Variants in TPTE observed in about 807,000 individuals in gnomAD.
TPTE encodes putative tyrosine-protein phosphatase TPTE.
Under a neutral mutation model 84.1 loss-of-function variants are expected in TPTE, and 59 were observed. The observed-to-expected ratio is 0.70, with a 90% CI of 0.57 to 0.87. TPTE has a LOEUF of 0.87. TPTE is among the 40% of genes least tolerant of loss of function. The probability of loss-of-function intolerance (pLI) is 0.00; values close to 1 mark genes in which losing one functional copy is unlikely to be tolerated. For synonymous variants in TPTE, 130 were observed against 223.5 expected (o/e 0.58, Z 3.73); for missense variants, 382 against 659.6 (o/e 0.58, Z 4.61).
chr21:10,590,572 A>C (rs573061765), intron 18 of TPTE, 49 bp downstream of exon 18: 1 of 1,611,802 alleles, frequency 6.2e-7, no homozygotes, highest in Non-Finnish European at 8.5e-7. Flanking sequence ...TGAGTTTGCT[A>C]GTTCTGAAAC....
chr21:10,572,123 G>T (rs1167281212), intron 14 of TPTE, among the ~76,000 whole-genome samples: 2 of 152,300 alleles, frequency 1.3e-5, no homozygotes, highest in Non-Finnish European at 2.9e-5. Flanking sequence ...TCTTCTCTGA[G>T]GTGCATAGTA....
chr21:10,577,541 T>A, intron 15 of TPTE, 21 bp downstream of exon 15: 1 of 1,613,946 alleles, frequency 6.2e-7, no homozygotes. Flanking sequence ...TACTCTATAT[T>A]GTGCTACTGT....
At chr21:10,564,628 C>T (rs2074879082) in intron 10 of TPTE, among the ~76,000 whole-genome samples, 2 of 152,298 alleles carry the variant, frequency 1.3e-5, no homozygotes, top group African/African-American at 4.8e-5. Context: ...CTGAATTCAA[C>T]AATATATGGG....
chr21:10,572,450 C>CAAAAAA (rs58796102), intron 14 of TPTE, among the ~76,000 whole-genome samples: 24 of 131,966 alleles, frequency 1.8e-4, no homozygotes, highest in Non-Finnish European at 2.7e-4. Flanking sequence ...AGACTGTATC[C>CAAAAAA]AAAAAAAAAA....
rs1206718965 is a variant in TPTE at position 10,553,579 on chromosome 21, TC to T, written c.233+867del. 2.4e-4 allele frequency among the ~76,000 whole-genome samples: 36 copies of T among 152,400 alleles called. No individual in the cohort carries two copies. In the South Asian group the frequency reaches 7.1e-3, roughly 30 times the overall value. On this transcript the variant is annotated intron_variant, in intron 8 of 23. Coordinates refer to ENST00000618007, the MANE Select transcript of TPTE (RefSeq NM_199261.4). ...TAAGCAAGGCAAGCATTTCCTTCTT[TC>T]CCCACTCCAAACAAAATAAAGCAGG...
chr21:10,555,628 T>C (rs1186775844), intron 8 of TPTE, among the ~76,000 whole-genome samples: 2 of 152,312 alleles, frequency 1.3e-5, no homozygotes, highest in Non-Finnish European at 2.9e-5. Flanking sequence ...GAGAGTAATA[T>C]GTTTGTATTT....
intron 8 of TPTE, among the ~76,000 whole-genome samples, chr21:10,556,301 T>TCTGAC (rs1369005658): frequency 1.3e-5 from 2 of 152,430 alleles, no homozygotes; most frequent in Non-Finnish European, 2.9e-5. Context: ...TGTTTGGTTT[T>TCTGAC]CTGACCTTGC....
intron 3 of TPTE, among the ~76,000 whole-genome samples, 170 bp downstream of exon 3, chr21:10,527,582 T>TA (rs2074102949): frequency 6.6e-6 from 1 of 152,310 alleles, no homozygotes; most frequent in South Asian, 2.1e-4. Context: ...TTTGTGACTC[T>TA]AAGTAATTAG....
chr21:10,535,339 A>G (rs1165650082), intron 3 of TPTE, among the ~76,000 whole-genome samples: 3 of 152,310 alleles, frequency 2.0e-5, no homozygotes, highest in South Asian at 2.1e-4. Flanking sequence ...ACATACACGC[A>G]TGCATACACA....
At chr21:10,522,979 T>C (rs2074010044) in intron 1 of TPTE, among the ~76,000 whole-genome samples, 1 of 152,310 alleles carries the variant, frequency 6.6e-6, no homozygotes, top group African/African-American at 2.4e-5. Flanking sequence ...CAATGAGTTA[T>C]GCCCCCAAGT....
At chr21:10,558,579 C>A (rs1313086246) in intron 8 of TPTE, among the ~76,000 whole-genome samples, 1 of 152,310 alleles carries the variant, frequency 6.6e-6, no homozygotes, top group Admixed American at 6.5e-5. Flanking sequence ...TGTCAAAGGC[C>A]AATTGTCAGT....
chr21:10,604,684 C>T (rs1236392849), intron 23 of TPTE, among the ~76,000 whole-genome samples: 35 of 152,240 alleles, frequency 2.3e-4, no homozygotes, highest in Non-Finnish European at 4.4e-4. Flanking sequence ...AAAGTGAGAC[C>T]TGGGTGGAGC....
intron 10 of TPTE, among the ~76,000 whole-genome samples, chr21:10,563,916 G>T (rs1194542344): frequency 6.6e-6 from 1 of 152,308 alleles, no homozygotes; most frequent in Admixed American, 6.5e-5. Flanking sequence ...AGCAGTTTGG[G>T]AGGCCAAGGC....
chr21:10,525,161 A>G (rs1050277384), intron 2 of TPTE, among the ~76,000 whole-genome samples: 2 of 152,310 alleles, frequency 1.3e-5, no homozygotes, highest in African/African-American at 2.4e-5. Flanking sequence ...CACCTGAAAC[A>G]TTGTTAATTA....
At chr21:10,595,068 A>C (rs1264082299) in intron 19 of TPTE, among the ~76,000 whole-genome samples, 1 of 152,296 alleles carries the variant, frequency 6.6e-6, no homozygotes, top group Non-Finnish European at 1.5e-5. Context: ...TTTGAGACAG[A>C]GTCTCGCTCT....
chr21:10,566,517 A>G (rs2074924663), intron 10 of TPTE, among the ~76,000 whole-genome samples: 1 of 152,310 alleles, frequency 6.6e-6, no homozygotes, highest in Non-Finnish European at 1.5e-5. Context: ...AGATACCCAC[A>G]AAAAAGGAAA....
intron 2 of TPTE, among the ~76,000 whole-genome samples, chr21:10,525,145 A>G (rs2074056107): frequency 6.6e-6 from 1 of 152,280 alleles, no homozygotes; most frequent in South Asian, 2.1e-4. Context: ...GTCCCATCTC[A>G]ATTAACACCT....
intron 18 of TPTE, among the ~76,000 whole-genome samples, chr21:10,591,179 A>T (rs2075468991): frequency 6.6e-6 from 1 of 152,312 alleles, no homozygotes; most frequent in Non-Finnish European, 1.5e-5. Flanking sequence ...TGTGACCTCT[A>T]AAAATTTCTG....
chr21:10,553,850 T>C (rs2074627147), intron 8 of TPTE, among the ~76,000 whole-genome samples: 1 of 152,312 alleles, frequency 6.6e-6, no homozygotes, highest in Admixed American at 6.5e-5. Context: ...GCAATCCATG[T>C]ACTGGATATT....
Sources: gnomAD v4.1 joint callset for allele counts (sites outside exome capture counted in the v4.1 genomes callset) on GRCh38, gnomAD v4.1.1 for gene constraint, MANE v1.5 for transcripts, NCBI Gene and HGNC (gene_info 2026-07-23, HGNC 2026-07-21) for gene names.